The following SHANK2 variants were observed in gnomAD, a reference collection of about 807,000 sequenced individuals.
The protein encoded by SHANK2 is SH3 and multiple ankyrin repeat domains 2.
A neutral mutation model predicts 133.7 loss-of-function variants in SHANK2; 43 were observed. That is an observed-to-expected ratio of 0.32 (90% confidence interval 0.25 to 0.41). SHANK2 has a LOEUF of 0.41. SHANK2 is among the 10% of genes least tolerant of loss of function. The pLI is 1.00. For synonymous variants in SHANK2, 1,017 were observed against 952.8 expected (o/e 1.07, Z -1.24); for missense variants, 1,994 against 2,235.8 (o/e 0.89, Z 2.18).
chr11:71,161,951 G>A (rs1401110113), intron 2 of SHANK2, among the ~76,000 whole-genome samples: 1 of 152,300 alleles, frequency 6.6e-6, no homozygotes, highest in South Asian at 2.1e-4. Flanking sequence ...TCCACAGGCA[G>A]GGCAGCATCC....
At position 70,742,111 on chromosome 11, in the gene SHANK2, C is replaced by A. The variant is rs529694991; in HGVS notation, c.1778-43348G>T. On this transcript the variant is annotated intron_variant, in intron 14 of 25. Transcript: ENST00000601538. ...ACACTGGCTGTCCACCTAGGAAACT[C>A]CAAATTCTGACAACTTCCAAACCCT... is the stretch of plus-strand genomic sequence containing the variant. Among the ~76,000 whole-genome samples the A allele has an allele frequency of 3.9e-5, 6 of 152,326 alleles. No individual in the cohort carries two copies. In the South Asian group the frequency reaches 1.0e-3, roughly 26 times the overall value.
Position 70,471,025 on chromosome 11 carries a change from C to G in SHANK2, c.*1844G>C. 2.9e-6 allele frequency: 1 copy of G among 344,902 alleles called. No individual in the cohort carries two copies. The highest frequency in any genetic ancestry group is 5.2e-6 in the Non-Finnish European group (1 of 193,788). The allele number at this position is 344,902 out of a possible 1,614,324, so 21.4% of individuals were successfully genotyped here. On this transcript the variant is annotated 3_prime_UTR_variant, in exon 26 of 26. Coordinates refer to ENST00000601538, the MANE Select transcript of SHANK2 (RefSeq NM_012309.5). This position sits in a 1 kb window ranked among gnomAD's most constrained non-coding sequence, Gnocchi z 4.1. ...ATAAGGTTGATTTAAAAAGGTCATA[C>G]TTTTATAATTATTCCACAGAAATAG...
chr11:70,788,408 T>C (rs893449989), intron 14 of SHANK2, among the ~76,000 whole-genome samples: 23 of 152,208 alleles, frequency 1.5e-4, no homozygotes, highest in Non-Finnish European at 5.9e-5. Flanking sequence ...TGAAAAGTTT[T>C]CAATTGCATG....
intron 9 of SHANK2, among the ~76,000 whole-genome samples, chr11:71,073,127 G>GTTTTTTTTTTTTTT (rs1277169505): frequency 1.1e-5 from 1 of 93,782 alleles, no homozygotes; most frequent in Non-Finnish European, 2.5e-5. Flanking sequence ...CTTGCTTTTT[G>GTTTTTTTTTTTTTT]TTTTTTTTCT....
chr11:71,238,775 G>A (rs2135797940), intron 1 of SHANK2, among the ~76,000 whole-genome samples: 1 of 152,354 alleles, frequency 6.6e-6, no homozygotes, highest in East Asian at 1.9e-4. Flanking sequence ...CAGAAGCGTT[G>A]AAGAGCTGGG....
intron 17 of SHANK2, among the ~76,000 whole-genome samples, chr11:70,642,204 G>A (rs190248695): frequency 7.2e-5 from 11 of 152,288 alleles, no homozygotes; most frequent in Admixed American, 7.2e-4. Flanking sequence ...GCTGCGCTGC[G>A]CCCTGACCTC....
intron 17 of SHANK2, among the ~76,000 whole-genome samples, chr11:70,630,457 C>T (rs539403950): frequency 1.3e-5 from 2 of 152,274 alleles, no homozygotes; most frequent in East Asian, 1.9e-4. Flanking sequence ...AGCAAAGAGA[C>T]GGTAGTGGTT....
At chr11:71,241,087 G>T (rs1247283448) in intron 1 of SHANK2, among the ~76,000 whole-genome samples, 8 of 152,206 alleles carry the variant, frequency 5.3e-5, no homozygotes, top group African/African-American at 1.9e-4. Context: ...AAAGCAATTT[G>T]AGAACACTGG....
chr11:71,108,166 C>T (rs782635118), intron 6 of SHANK2, among the ~76,000 whole-genome samples: 5 of 152,238 alleles, frequency 3.3e-5, no homozygotes, highest in Non-Finnish European at 7.3e-5. Context: ...CATTTACCTT[C>T]ACAGCCTCAC....
At chr11:71,064,644 A>T (rs914793798) in intron 9 of SHANK2, among the ~76,000 whole-genome samples, 97 of 151,768 alleles carry the variant, frequency 6.4e-4, no homozygotes, top group Admixed American at 1.4e-3. Flanking sequence ...GGCCCCAGGC[A>T]AGGGTGAGAA....
intron 17 of SHANK2, among the ~76,000 whole-genome samples, chr11:70,608,738 C>T (rs907864815): frequency 7.9e-5 from 12 of 152,190 alleles, no homozygotes; most frequent in South Asian, 2.1e-4. Flanking sequence ...CATTCACAGC[C>T]GAAAGCTCGT....
intron 9 of SHANK2, among the ~76,000 whole-genome samples, chr11:71,070,146 A>T (rs908896275): frequency 9.4e-4 from 143 of 152,314 alleles, no homozygotes; most frequent in African/African-American, 3.3e-3. Flanking sequence ...TGCAGACATG[A>T]AGCTGTGCCT....
chr11:70,575,337 A>C (rs1160764165), intron 17 of SHANK2, among the ~76,000 whole-genome samples: 2 of 151,802 alleles, frequency 1.3e-5, no homozygotes, highest in African/African-American at 2.4e-5. Flanking sequence ...AATGGCAAAA[A>C]CCCATCTCTA....
chr11:71,185,863 TG>T (rs1953659056), intron 2 of SHANK2, among the ~76,000 whole-genome samples: 1 of 88,052 alleles, frequency 1.1e-5, no homozygotes, highest in Non-Finnish European at 2.3e-5. Context: ...GACACCAATT[TG>T]GGGGGTGGGT....
chr11:70,579,664 G>T (rs2060159562), intron 17 of SHANK2, among the ~76,000 whole-genome samples: 1 of 152,244 alleles, frequency 6.6e-6, no homozygotes, highest in Admixed American at 6.5e-5. Flanking sequence ...GTGCAGGTCA[G>T]CCTGCTGTGG....
At chr11:70,897,951 C>T (rs1313566943) in intron 10 of SHANK2, among the ~76,000 whole-genome samples, 2 of 151,574 alleles carry the variant, frequency 1.3e-5, no homozygotes, top group Admixed American at 1.3e-4. Flanking sequence ...TACACACACA[C>T]ACACACACAC....
chr11:70,685,805 C>T (rs1194492640), intron 15 of SHANK2, among the ~76,000 whole-genome samples: 2 of 152,144 alleles, frequency 1.3e-5, no homozygotes, highest in Non-Finnish European at 2.9e-5. Context: ...CCATGCTATC[C>T]TCTCCTTCCC....
Position 70,820,580 on chromosome 11 carries a change from A to C in SHANK2, c.1277T>G (p.Leu426Arg), listed in dbSNP as rs1417487966. 1 of 716,670 alleles carries C rather than the reference A, an allele frequency of 1.4e-6. No individual in the cohort carries two copies. Among genetic ancestry groups the C allele is most frequent in the Non-Finnish European group, 2.6e-6 (1 of 384,638 alleles). The allele number at this position is 716,670 out of a possible 1,614,324, so 44.4% of individuals were successfully genotyped here. A position where few individuals can be genotyped will look rare whatever the true frequency, so the allele number is the denominator to read the frequency against. The change falls in exon 12 of 26, where the codon CTC becomes CGC. Residue 426 changes from leucine to arginine, a missense_variant. Leu to Arg is a moderately radical substitution (Grantham distance 102, BLOSUM62 -2). Coordinates refer to ENST00000601538, the MANE Select transcript of SHANK2 (RefSeq NM_012309.5). Reference protein sequence around the residue: ...VLLRSNSDNNLNASAPDWAVC... With the variant: ...VLLRSNSDNNRNASAPDWAVC... ...GGCCCAGTCGGGAGCGCTGGCATTG[A>C]GGTTGTTGTCACTGTTGGAGCGCAG...
chr11:70,742,893 T>G (rs191007177), intron 14 of SHANK2, among the ~76,000 whole-genome samples: 2 of 152,192 alleles, frequency 1.3e-5, no homozygotes, highest in East Asian at 3.9e-4. Context: ...GGGCTGGAAG[T>G]AGAAAATTCA....
Sources: allele counts gnomAD v4.1 joint callset (sites outside exome capture counted in the v4.1 genomes callset), GRCh38; gene constraint gnomAD v4.1.1; non-coding constraint Gnocchi (gnomAD v3.1); transcripts MANE v1.5; gene names NCBI Gene and HGNC (gene_info 2026-07-23, HGNC 2026-07-21).